Variants in CHRNA4 observed in about 807,000 individuals in gnomAD.
CHRNA4 encodes cholinergic receptor nicotinic alpha 4 subunit, also known as neuronal acetylcholine receptor subunit alpha-4.
Under a neutral mutation model 48.9 loss-of-function variants are expected in CHRNA4, and 28 were observed. The ratio of observed to expected loss-of-function variants is 0.57; its 90% CI spans 0.42 to 0.79. The LOEUF is 0.79. Among genes scored for constraint, CHRNA4 ranks in the 30% least tolerant of loss-of-function variants. The pLI, the probability that CHRNA4 is intolerant of heterozygous loss-of-function variation, is 0.00. For missense variants in CHRNA4, 859 were observed against 898.4 expected, an observed-to-expected ratio of 0.96 and a Z score of 0.56; for synonymous variants, 425 against 402.3, an observed-to-expected ratio of 1.06 and a Z score of -0.68.
rs537436396 is a variant in CHRNA4 at position 63,359,359 on chromosome 20, C to G, written c.228+189G>C. ...AAGGGCAGGGCCTGGCTGGGACGCT[C>G]TGAATCAACCCTTGGCTGGGGCTCA... On this transcript the variant is annotated intron_variant, in intron 2 of 5. Transcript: ENST00000370263. 9.3e-5 allele frequency: 69 copies of G among 740,658 alleles called. No individual in the cohort carries two copies. The African/African-American group carries it at 9.6e-4, about 10-fold the overall frequency. The allele number at this position is 740,658 out of a possible 1,614,324, so 45.9% of individuals were successfully genotyped here.
chr20:63,348,076 G>A (rs2068524291), intron 5 of CHRNA4, among the ~76,000 whole-genome samples: 2 of 152,210 alleles, frequency 1.3e-5, no homozygotes, highest in Admixed American at 6.5e-5. Context: ...AAGATGAAAC[G>A]CAGCCGCAGA....
intron 4 of CHRNA4, chr20:63,355,766 G>C: frequency 1.2e-6 from 1 of 825,620 alleles, no homozygotes. Context: ...TGCTGGCCTG[G>C]GGGGACCCTT....
chr20:63,355,810 C>T, intron 4 of CHRNA4, 165 bp downstream of exon 4: 1 of 1,041,622 alleles, frequency 9.6e-7, no homozygotes. Flanking sequence ...CTCCATTGCT[C>T]CTGCTTCTTC....
In CHRNA4 at chr20:63,359,737, G is replaced by A. The variant is rs758792186; in HGVS notation, c.77-38C>T. 30 of 1,602,054 alleles carry A rather than the reference G, an allele frequency of 1.9e-5. 1 individual carries two copies. Among genetic ancestry groups the A allele is most frequent in the Admixed American group, 6.7e-5 (4 of 59,552 alleles). On this transcript the variant is annotated intron_variant, in intron 1 of 5. Coordinates refer to ENST00000370263, the MANE Select transcript of CHRNA4 (RefSeq NM_000744.7). ...GCAGGCCAGTGGCTCAGGTGCAGGC[G>A]GGACAGGAGCCGGGAGCTGTCCAGG... is the stretch of plus-strand genomic sequence containing the variant.
chr20:63,348,412 T>C (rs2068529172), intron 5 of CHRNA4, among the ~76,000 whole-genome samples: 1 of 152,246 alleles, frequency 6.6e-6, no homozygotes, highest in African/African-American at 2.4e-5. Flanking sequence ...TTTTGCAGCT[T>C]CTTGGGATTC....
At chr20:63,360,379 G>A (rs2068797276) in intron 1 of CHRNA4, among the ~76,000 whole-genome samples, 1 of 152,184 alleles carries the variant, frequency 6.6e-6, no homozygotes, top group Non-Finnish European at 1.5e-5. Context: ...CCGTGCTGTT[G>A]GGCAGACCCA....
intron 2 of CHRNA4, among the ~76,000 whole-genome samples, chr20:63,357,566 C>T (rs1203367873): frequency 6.6e-6 from 1 of 152,250 alleles, no homozygotes; most frequent in East Asian, 1.9e-4. Flanking sequence ...GTGCAGCTCA[C>T]AAGCCCTCCC....
rs56164905 is a variant in CHRNA4, at chr20:63,345,870, G to A, written c.*868C>T. On this transcript the variant is annotated 3_prime_UTR_variant, in exon 6 of 6. Transcript: ENST00000370263. The surrounding 1 kb of genome is among the most constrained non-coding windows in gnomAD (Gnocchi z 5.4). ...CTCCATTCGGGACCTTCCCAGCTCC[G>A]GGGAATCACAACACAGAAGTACCCC... 3.5e-3 allele frequency: 1,595 copies of A among 453,010 alleles called. 13 individuals carry two copies. Among genetic ancestry groups the A allele is most frequent in the Non-Finnish European group, 4.8e-3 (1,084 of 226,002 alleles). The allele number at this position is 453,010 out of a possible 1,614,324, so 28.1% of individuals were successfully genotyped here.
chr20:63,360,579 G>A (rs918747145), intron 1 of CHRNA4, among the ~76,000 whole-genome samples: 2 of 152,100 alleles, frequency 1.3e-5, no homozygotes, highest in Admixed American at 1.3e-4. Flanking sequence ...ACAGGACTCG[G>A]GGAGGGGGAG....
chr20:63,349,959 G>A lies in CHRNA4; in HGVS notation c.1452C>T (p.Cys484=). The A allele has an allele frequency of 6.4e-7, 1 of 1,566,552 alleles. No homozygotes were observed. Among genetic ancestry groups the A allele is most frequent in the Non-Finnish European group, 8.7e-7 (1 of 1,154,994 alleles). The change falls in exon 5 of 6, where the codon TGC becomes TGT. Residue 484 remains cysteine (C), a synonymous_variant. Transcript: ENST00000370263. ...CACAGTACTGGATGCTCCGAGACCGGCACCGGACGCCGCCTTCCACCGCTT... is the reference window on the plus strand; with the variant it reads ...CACAGTACTGGATGCTCCGAGACCGACACCGGACGCCGCCTTCCACCGCTT... ...PGEAVEGGVR[C]RSRSIQYCVP...
Position 63,361,119 on chromosome 20 carries a change from A to G in CHRNA4, c.47T>C (p.Leu16Pro). ...CAGGAGGCCGGTCCCCAGAAGCAGC[A>G]GCAGCGGCGGCAGCAGCCGCGGCGC... Reference protein sequence around the residue: ...PGAPRLLPPLLLLLGTGLLRA... With the variant: ...PGAPRLLPPLPLLLGTGLLRA... The change falls in exon 1 of 6, where the codon CTG becomes CCG. Residue 16 changes from leucine to proline, a missense_variant. This residue lies in a region of CHRNA4 where 342 missense variants were observed against 365.3 expected (regional missense o/e 0.94). Coordinates refer to ENST00000370263, the MANE Select transcript of CHRNA4 (RefSeq NM_000744.7). The G allele has an allele frequency of 6.8e-7, 1 of 1,479,510 alleles. No individual in the cohort carries two copies. Among genetic ancestry groups the G allele is most frequent in the South Asian group, 1.3e-5 (1 of 78,240 alleles). The allele number at this position is 1,479,510 out of a possible 1,614,324, so 91.6% of individuals were successfully genotyped here.
At position 63,346,375 on chromosome 20, in the gene CHRNA4, G is replaced by T; in HGVS notation, c.*363C>A. On this transcript the variant is annotated 3_prime_UTR_variant, in exon 6 of 6. Coordinates refer to ENST00000370263, the MANE Select transcript of CHRNA4 (RefSeq NM_000744.7). ...CCTTCAAGGGCCCCTTGGGGCGGTC[G>T]GGACCATCACCAGATCTGCTGAGAG... The T allele has an allele frequency of 2.1e-6, 1 of 483,506 alleles. No individual in the cohort carries two copies. The highest frequency in any genetic ancestry group is 1.5e-5 in the South Asian group (1 of 64,720). The allele number at this position is 483,506 out of a possible 1,614,324, so 30.0% of individuals were successfully genotyped here.
intron 5 of CHRNA4, among the ~76,000 whole-genome samples, chr20:63,348,074 A>C (rs1601468604): frequency 6.6e-6 from 1 of 152,168 alleles, no homozygotes; most frequent in Admixed American, 6.5e-5. Flanking sequence ...TGAAGATGAA[A>C]CGCAGCCGCA....
intron 5 of CHRNA4, 128 bp from the exon 6 acceptor site, chr20:63,346,991 CTGGTG>C: frequency 7.2e-7 from 1 of 1,390,284 alleles, no homozygotes; most frequent in Non-Finnish European, 1.0e-6. Flanking sequence ...GCCATTGCTG[CTGGTG>C]CACGCGGCAC....
chr20:63,355,293 C>T (rs1453806439), intron 4 of CHRNA4: 5 of 354,880 alleles, frequency 1.4e-5, no homozygotes, highest in East Asian at 7.5e-5. Flanking sequence ...TCCGTGGCAA[C>T]GCTGCCCTGG....
At chr20:63,351,689 T>C (rs1038907276) in intron 4 of CHRNA4, among the ~76,000 whole-genome samples, 1 of 152,226 alleles carries the variant, frequency 6.6e-6, no homozygotes, top group Non-Finnish European at 1.5e-5. Flanking sequence ...GCCAATGCAG[T>C]GGGGCTGCAT....
chr20:63,351,443 G>T (rs928442685), intron 4 of CHRNA4, among the ~76,000 whole-genome samples: 1 of 152,232 alleles, frequency 6.6e-6, no homozygotes, highest in Non-Finnish European at 1.5e-5. Flanking sequence ...CACTGCTGCT[G>T]GTGATTACCC....
rs112192714 is a variant in CHRNA4, at chr20:63,351,089, G to A, written c.384-62C>T. On this transcript the variant is annotated intron_variant, in intron 4 of 5. Transcript: ENST00000370263. ...CATCCATGCCCACGTCCACACCCAC[G>A]CCCACTGCCACACCCATGCCCACGT... 1.1e-4 allele frequency: 173 copies of A among 1,541,304 alleles called. No homozygotes were observed. In the African/African-American group the frequency reaches 1.2e-3, roughly 10 times the overall value.
intron 5 of CHRNA4, among the ~76,000 whole-genome samples, chr20:63,348,525 G>T (rs2068530865): frequency 6.6e-6 from 1 of 152,224 alleles, no homozygotes; most frequent in Admixed American, 6.5e-5. Flanking sequence ...GCAGGCACCA[G>T]ATGCGTCCGA....
Sources: gnomAD v4.1 joint callset for allele counts (sites outside exome capture counted in the v4.1 genomes callset) on GRCh38, gnomAD v4.1.1 for gene constraint, gnomAD v4.1.1 regional missense constraint, Gnocchi (gnomAD v3.1) non-coding constraint, MANE v1.5 for transcripts, NCBI Gene and HGNC (gene_info 2026-07-23, HGNC 2026-07-21) for gene names.